Variants in IGSF21 observed in about 807,000 individuals in gnomAD.
IGSF21 encodes the protein immunoglobin superfamily member 21, also known as immunoglobulin superfamily member 21.
In IGSF21, 28 loss-of-function variants were observed where a neutral mutation model predicts 46.8. The observed-to-expected ratio is 0.60, with a 90% confidence interval of 0.44 to 0.82. The LOEUF is 0.82. Among genes scored for constraint, IGSF21 ranks in the 40% least tolerant of loss-of-function variants. The pLI is 0.00. For missense variants in IGSF21, 624 were observed against 665.5 expected, an observed-to-expected ratio of 0.94 and a Z score of 0.69; for synonymous variants, 284 against 273.6, an observed-to-expected ratio of 1.04 and a Z score of -0.38.
chr1:18,122,388 G>A, intron 1 of IGSF21, among the ~76,000 whole-genome samples: 1 of 151,360 alleles, frequency 6.6e-6, no homozygotes, highest in Admixed American at 6.6e-5. Context: ...ACAGGGTTTT[G>A]CCATGTTGGC....
chr1:18,212,679 G>T (rs186702953), intron 1 of IGSF21, among the ~76,000 whole-genome samples: 1 of 152,192 alleles, frequency 6.6e-6, no homozygotes, highest in Non-Finnish European at 1.5e-5. Context: ...CAACCCAGGG[G>T]GGGTCCTGGC....
intron 3 of IGSF21, among the ~76,000 whole-genome samples, chr1:18,308,677 C>T (rs1353948402): frequency 2.0e-5 from 3 of 152,128 alleles, no homozygotes; most frequent in Non-Finnish European, 4.4e-5. Context: ...GTTCCATGCC[C>T]GGGCTTCCTC....
At chr1:18,236,118 C>T (rs918686317) in intron 2 of IGSF21, among the ~76,000 whole-genome samples, 9 of 28,794 alleles carry the variant, frequency 3.1e-4, no homozygotes, top group African/African-American at 8.7e-5. Flanking sequence ...TATGGTTTGG[C>T]TATGTCCCCA....
intron 1 of IGSF21, among the ~76,000 whole-genome samples, chr1:18,210,224 A>G (rs996033958): frequency 6.6e-6 from 1 of 152,110 alleles, no homozygotes; most frequent in African/African-American, 2.4e-5. Flanking sequence ...TAGAGAGGAG[A>G]GAGAAGCTGG....
At chr1:18,273,947 GCTTCGCCACTAGT>G (rs2085076253) in intron 2 of IGSF21, among the ~76,000 whole-genome samples, 2 of 152,134 alleles carry the variant, frequency 1.3e-5, no homozygotes, top group African/African-American at 4.8e-5. Context: ...TTGAATCCCA[GCTTCGCCACTAGT>G]CTGCTGCTCT....
chr1:18,305,488 T>TGACGGATGGATG (rs1553162223), intron 3 of IGSF21, among the ~76,000 whole-genome samples: 3 of 50,312 alleles, frequency 6.0e-5, no homozygotes, highest in African/African-American at 1.1e-4. Flanking sequence ...GATGGATGGA[T>TGACGGATGGATG]GATGGATGGA....
intron 1 of IGSF21, among the ~76,000 whole-genome samples, chr1:18,147,690 C>T (rs1464650966): frequency 6.6e-6 from 1 of 152,070 alleles, no homozygotes; most frequent in African/African-American, 2.4e-5. Context: ...TGTGTACCTC[C>T]TACATACCAG....
chr1:18,138,309 T>C (rs148712639), intron 1 of IGSF21, among the ~76,000 whole-genome samples: 11 of 152,332 alleles, frequency 7.2e-5, no homozygotes, highest in East Asian at 1.9e-4. Context: ...TCCAGCTGTT[T>C]ATCTCAATCC....
At chr1:18,247,265 C>T (rs990700382) in intron 2 of IGSF21, among the ~76,000 whole-genome samples, 4 of 152,108 alleles carry the variant, frequency 2.6e-5, no homozygotes, top group Non-Finnish European at 5.9e-5. Context: ...GGGGCCAGCT[C>T]TGTCAGGCTT....
At chr1:18,293,764 A>C (rs1569745870) in intron 3 of IGSF21, among the ~76,000 whole-genome samples, 2 of 152,106 alleles carry the variant, frequency 1.3e-5, no homozygotes, top group South Asian at 4.2e-4. Context: ...CACCCAGCCC[A>C]CCCCTGCCGG....
rs2084584998 is a variant in IGSF21 at position 18,227,917 on chromosome 1, T to G, written c.90T>G (p.Ile30Met). ...DLARGYLTVN[I>M]EPLPPVVAGD... ...CTGTAGGCTACCTGACAGTCAACAT[T>G]GAGCCTCTCCCCCCTGTGGTGGCTG... The change falls in exon 2 of 10, where the codon ATT becomes ATG. Residue 30 changes from isoleucine to methionine, a missense_variant. Coordinates refer to ENST00000251296, the MANE Select transcript of IGSF21 (RefSeq NM_032880.5). 1 of 1,613,780 alleles carries G rather than the reference T, an allele frequency of 6.2e-7. No individual in the cohort carries two copies. The highest frequency in any genetic ancestry group is 1.3e-5 in the African/African-American group (1 of 74,912).
intron 2 of IGSF21, among the ~76,000 whole-genome samples, chr1:18,264,973 C>T (rs184981730): frequency 5.9e-5 from 9 of 152,226 alleles, no homozygotes; most frequent in African/African-American, 1.4e-4. Flanking sequence ...TTACAGTGGT[C>T]GTGAGCATGA....
chr1:18,345,636 G>A (rs1348540491), intron 4 of IGSF21, among the ~76,000 whole-genome samples: 2 of 152,058 alleles, frequency 1.3e-5, no homozygotes, highest in South Asian at 2.1e-4. Flanking sequence ...CAACTACTTC[G>A]GCCTCCCAAG....
intron 1 of IGSF21, among the ~76,000 whole-genome samples, chr1:18,126,115 A>C (rs1415302743): frequency 1.3e-5 from 2 of 152,132 alleles, no homozygotes; most frequent in African/African-American, 4.8e-5. Context: ...TTGAACCCCA[A>C]CTTCCCATAG....
At chr1:18,284,298 T>C (rs1339486377) in intron 2 of IGSF21, among the ~76,000 whole-genome samples, 1 of 152,226 alleles carries the variant, frequency 6.6e-6, no homozygotes, top group African/African-American at 2.4e-5. Flanking sequence ...AGTCCGTTCC[T>C]TCCTTCACTG....
chr1:18,164,790 T>C (rs1271512744), intron 1 of IGSF21, among the ~76,000 whole-genome samples: 2 of 152,068 alleles, frequency 1.3e-5, no homozygotes, highest in Admixed American at 6.6e-5. Flanking sequence ...AATGTGCAGG[T>C]TTGTTACATA....
At chr1:18,123,371 C>T (rs994530470) in intron 1 of IGSF21, among the ~76,000 whole-genome samples, 1 of 152,224 alleles carries the variant, frequency 6.6e-6, no homozygotes, top group African/African-American at 2.4e-5. Context: ...GAGCCTTATT[C>T]CAGCTCCAGT....
chr1:18,248,834 T>C (rs2084808568), intron 2 of IGSF21, among the ~76,000 whole-genome samples: 2 of 152,014 alleles, frequency 1.3e-5, no homozygotes, highest in South Asian at 4.1e-4. Flanking sequence ...GGAGCTTACA[T>C]CCTGTTGGGA....
At chr1:18,376,766 C>A (rs778880672) in intron 7 of IGSF21, 34 bp from the exon 8 acceptor site, 2 of 1,552,292 alleles carry the variant, frequency 1.3e-6, no homozygotes, top group African/African-American at 1.4e-5. Flanking sequence ...ATGGGCCCTC[C>A]TGTGACCCAC....
Sources: allele counts gnomAD v4.1 joint callset (sites outside exome capture counted in the v4.1 genomes callset), GRCh38; gene constraint gnomAD v4.1.1; transcripts MANE v1.5; gene names NCBI Gene and HGNC (gene_info 2026-07-23, HGNC 2026-07-21).